The following AAGAB variants were observed in gnomAD, a reference collection of about 807,000 sequenced individuals.
AAGAB encodes the protein alpha and gamma adaptin binding protein, also known as alpha- and gamma-adaptin-binding protein p34.
A neutral mutation model predicts 44.1 loss-of-function variants in AAGAB; 38 were observed. The ratio of observed to expected loss-of-function variants is 0.86; its 90% CI spans 0.67 to 1.13. The LOEUF (loss-of-function observed/expected upper bound fraction) is 1.13, where lower values mean the gene tolerates loss of function less well. AAGAB is among the 50% of genes most tolerant of loss of function. The pLI is 0.00. For missense variants in AAGAB, 450 were observed against 373.8 expected, an observed-to-expected ratio of 1.20 and a Z score of -1.68; for synonymous variants, 131 against 131.8, an observed-to-expected ratio of 0.99 and a Z score of 0.04.
At chr15:67,232,526 C>T in intron 4 of AAGAB, 2 of 378,142 alleles carry the variant, frequency 5.3e-6, no homozygotes, top group Non-Finnish European at 1.1e-5. Flanking sequence ...TCATTGATGT[C>T]CTTCACCCCG....
At chr15:67,234,170 G>A (rs1339298713) in intron 4 of AAGAB, among the ~76,000 whole-genome samples, 4 of 152,046 alleles carry the variant, frequency 2.6e-5, no homozygotes, top group East Asian at 1.9e-4. Flanking sequence ...GGAGAATGGC[G>A]TGAATCTAGG....
intron 5 of AAGAB, among the ~76,000 whole-genome samples, chr15:67,210,694 G>A (rs908205568): frequency 6.6e-6 from 1 of 152,104 alleles, no homozygotes; most frequent in Non-Finnish European, 1.5e-5. Context: ...AGAATGACCT[G>A]GAACACTTTA....
intron 5 of AAGAB, among the ~76,000 whole-genome samples, chr15:67,229,357 C>A (rs886163146): frequency 2.0e-5 from 3 of 150,806 alleles, no homozygotes; most frequent in African/African-American, 7.3e-5. Flanking sequence ...TGCTTGAACC[C>A]GGGAGGCAGA....
chr15:67,254,829 G>T, upstream of AAGAB: 3 of 1,528,218 alleles, frequency 2.0e-6, no homozygotes, highest in Non-Finnish European at 2.7e-6. Flanking sequence ...GGGACGAGCG[G>T]CTCCGGCTGA....
At chr15:67,217,034 CA>C (rs1963967332) in intron 5 of AAGAB, among the ~76,000 whole-genome samples, 1 of 152,016 alleles carries the variant, frequency 6.6e-6, no homozygotes, top group Non-Finnish European at 1.5e-5. Flanking sequence ...CAATCTCCTC[CA>C]TCAAATTATG....
At chr15:67,225,360 T>C (rs916203425) in intron 5 of AAGAB, among the ~76,000 whole-genome samples, 9 of 152,346 alleles carry the variant, frequency 5.9e-5, no homozygotes, top group East Asian at 1.9e-4. Flanking sequence ...TTACCATTAT[T>C]ATCATCATTG....
At chr15:67,251,215 CGTGTGTGTGT>C (rs759231047) in intron 1 of AAGAB, among the ~76,000 whole-genome samples, 1 of 143,538 alleles carries the variant, frequency 7.0e-6, no homozygotes, top group Non-Finnish European at 1.5e-5. Context: ...ATTTTAAGTG[CGTGTGTGTGT>C]GTGTGTGTGT....
intron 4 of AAGAB, chr15:67,232,439 C>A: frequency 4.8e-6 from 1 of 208,490 alleles, no homozygotes; most frequent in South Asian, 7.7e-5. Context: ...GAGGATTGAC[C>A]ACCATCATGA....
At chr15:67,217,898 T>C (rs760756055) in intron 5 of AAGAB, among the ~76,000 whole-genome samples, 1 of 152,236 alleles carries the variant, frequency 6.6e-6, no homozygotes, top group African/African-American at 2.4e-5. Context: ...AATTGGAATC[T>C]GAGATTTCTG....
At chr15:67,223,524 C>T (rs554659610) in intron 5 of AAGAB, among the ~76,000 whole-genome samples, 1 of 152,272 alleles carries the variant, frequency 6.6e-6, no homozygotes, top group South Asian at 2.1e-4. Context: ...TCACAATATA[C>T]CTAGAATTCG....
Position 67,235,919 on chromosome 15 carries a change from G to C in AAGAB, c.451+60C>G, listed in dbSNP as rs970188348. The C allele has an allele frequency of 3.9e-6, 5 of 1,274,500 alleles. No homozygotes were observed. In the Admixed American group the frequency reaches 1.1e-4, roughly 28 times the overall value. The allele number at this position is 1,274,500 out of a possible 1,614,324, so 78.9% of individuals were successfully genotyped here. A position where few individuals can be genotyped will look rare whatever the true frequency, so the allele number is the denominator to read the frequency against. ...AATTTTGCTGTGATTCTTCTTCCCTGAATTAAAATAATCTCTCATATCTAA... is the reference window on the plus strand; with the variant it reads ...AATTTTGCTGTGATTCTTCTTCCCTCAATTAAAATAATCTCTCATATCTAA... On this transcript the variant is annotated intron_variant, in intron 4 of 9. Transcript: ENST00000261880.
At chr15:67,209,604 G>T in intron 5 of AAGAB, 60 bp from the exon 6 acceptor site, 3 of 1,310,842 alleles carry the variant, frequency 2.3e-6, no homozygotes, top group Non-Finnish European at 3.3e-6. Flanking sequence ...TGTTCAAATG[G>T]CTATGATGAT....
At chr15:67,236,260 AG>A in intron 3 of AAGAB, 147 bp downstream of exon 3, 1 of 934,536 alleles carries the variant, frequency 1.1e-6, no homozygotes, top group Non-Finnish European at 1.6e-6. Context: ...AAGTATTACA[AG>A]ATTCCAAAGA....
chr15:67,231,970 G>T, intron 4 of AAGAB, 73 bp from the exon 5 acceptor site: 1 of 1,335,962 alleles, frequency 7.5e-7, no homozygotes, highest in Admixed American at 1.7e-5. Flanking sequence ...TCACAAAAAT[G>T]TGGCCAGGCA....
intron 5 of AAGAB, among the ~76,000 whole-genome samples, chr15:67,222,240 GCGCA>G (rs1226583709): frequency 0.013 from 1,175 of 88,258 alleles, 6 homozygotes; most frequent in Admixed American, 0.026. Flanking sequence ...ACGCGCGCGC[GCGCA>G]CACACACACA....
intron 1 of AAGAB, among the ~76,000 whole-genome samples, chr15:67,241,003 A>G (rs1217911137): frequency 6.6e-6 from 1 of 150,978 alleles, no homozygotes; most frequent in African/African-American, 2.4e-5. Context: ...ATGAAGTTCA[A>G]GGTGAATTCC....
At chr15:67,204,501 T>G (rs1019708506) in intron 7 of AAGAB, among the ~76,000 whole-genome samples, 1 of 152,200 alleles carries the variant, frequency 6.6e-6, no homozygotes, top group African/African-American at 2.4e-5. Context: ...TAAGGTACAC[T>G]GATTCACCAA....
At chr15:67,241,525 C>T (rs1195998485) in intron 1 of AAGAB, among the ~76,000 whole-genome samples, 2 of 152,162 alleles carry the variant, frequency 1.3e-5, no homozygotes, top group Admixed American at 1.3e-4. Flanking sequence ...CTTTGTGAAG[C>T]CAGTACTAAC....
At chr15:67,204,753 G>C (rs2140341871) in intron 7 of AAGAB, among the ~76,000 whole-genome samples, 1 of 152,166 alleles carries the variant, frequency 6.6e-6, no homozygotes, top group African/African-American at 2.4e-5. Flanking sequence ...TTGGCACACT[G>C]CTTCTTTATT....
Sources: gnomAD v4.1 joint callset for allele counts (sites outside exome capture counted in the v4.1 genomes callset) on GRCh38, gnomAD v4.1.1 for gene constraint, MANE v1.5 for transcripts, NCBI Gene and HGNC (gene_info 2026-07-23, HGNC 2026-07-21) for gene names.